The following SEC31A variants were observed in gnomAD, a reference collection of about 807,000 sequenced individuals.
SEC31A encodes protein transport protein Sec31A.
A neutral mutation model predicts 151.0 loss-of-function variants in SEC31A; 70 were observed. The observed-to-expected ratio is 0.46, with a 90% CI of 0.38 to 0.57. SEC31A has a LOEUF of 0.57. SEC31A is among the 20% of genes least tolerant of loss of function. The probability of loss-of-function intolerance (pLI) is 0.00; values close to 1 mark genes in which losing one functional copy is unlikely to be tolerated. For missense variants in SEC31A, 1,330 were observed against 1,471.2 expected (o/e 0.90, Z 1.57); for synonymous variants, 475 against 505.9 (o/e 0.94, Z 0.82).
intron 22 of SEC31A, among the ~76,000 whole-genome samples, chr4:82,834,698 T>A (rs1339003791): frequency 2.0e-5 from 3 of 152,202 alleles, no homozygotes; most frequent in Non-Finnish European, 4.4e-5. Context: ...TCAAGCCATG[T>A]GTTTTAGCAG....
At chr4:82,860,795 A>G (rs556482098) in intron 14 of SEC31A, among the ~76,000 whole-genome samples, 3 of 152,264 alleles carry the variant, frequency 2.0e-5, no homozygotes, top group East Asian at 3.9e-4. Flanking sequence ...AAGTTTTAGT[A>G]AAGATTTTAT....
intron 2 of SEC31A, chr4:82,899,959 CATT>C (rs1371843891): frequency 2.0e-5 from 3 of 152,220 alleles, no homozygotes; most frequent in Admixed American, 2.0e-4. Flanking sequence ...ATAACTAAGA[CATT>C]GTTCTAAGCT....
intron 24 of SEC31A, 75 bp downstream of exon 24, chr4:82,827,294 A>G (rs1425279315): frequency 1.4e-6 from 2 of 1,464,004 alleles, no homozygotes; most frequent in East Asian, 4.6e-5. Context: ...ATGCAATCAT[A>G]AAAGTTAGCA....
chr4:82,834,138 T>G (rs1286525629), intron 22 of SEC31A, among the ~76,000 whole-genome samples: 2 of 152,218 alleles, frequency 1.3e-5, no homozygotes, highest in Non-Finnish European at 2.9e-5. Context: ...CACTATAGTT[T>G]ATAAATGCCC....
At chr4:82,881,709 G>T in intron 2 of SEC31A, 149 bp downstream of exon 2, 1 of 629,890 alleles carries the variant, frequency 1.6e-6, no homozygotes, top group Non-Finnish European at 2.9e-6. Flanking sequence ...GGAACACAGA[G>T]GAAGAACACT....
chr4:82,880,647 TA>T, intron 3 of SEC31A, 151 bp downstream of exon 3: 1 of 631,040 alleles, frequency 1.6e-6, no homozygotes, highest in South Asian at 2.8e-5. Flanking sequence ...TTTACTTCCA[TA>T]AAAATTCACT....
chr4:82,887,068 C>A (rs1267800425), intron 1 of SEC31A, among the ~76,000 whole-genome samples: 1 of 152,010 alleles, frequency 6.6e-6, no homozygotes, highest in African/African-American at 2.4e-5. Context: ...CTTTTAAATT[C>A]TTAACTCTTT....
Position 82,871,992 on chromosome 4 carries a change from T to C in SEC31A, c.734A>G (p.Asp245Gly). The part of the protein sequence containing the change: ...DDRLPVIQMW[D>G]LRFASSPLRV... ...AAGTGGAGAGGAAGCAAATCGAAGA[T>C]CCCACATCTGGATCACTGGTAACCG... The change falls in exon 7 of 27, where the codon GAT becomes GGT. Residue 245 changes from aspartate to glycine, a missense_variant. Coordinates refer to ENST00000395310, the MANE Select transcript of SEC31A (RefSeq NM_001077207.4). The C allele has an allele frequency of 6.2e-7, 1 of 1,614,094 alleles. No individual in the cohort carries two copies. Among genetic ancestry groups the C allele is most frequent in the Non-Finnish European group, 8.5e-7 (1 of 1,179,992 alleles).
At position 82,853,625 on chromosome 4, in the gene SEC31A, T is replaced by A; in HGVS notation, c.2099A>T (p.Lys700Ile). Reference protein sequence around the residue: ...LCYICAGNVEKLVACWTKAQD... With the variant: ...LCYICAGNVEILVACWTKAQD... ...AGCTTTAGTCCAACATGCAACTAAT[T>A]TCTCTACATTCCCTGCACAAATATA... The change falls in exon 18 of 27, where the codon AAA (lysine) becomes ATA (isoleucine). Residue 700 changes from lysine (K) to isoleucine (I), a missense_variant. By Grantham distance (102) the Lys-to-Ile change is moderately radical (BLOSUM62 -3). Transcript: ENST00000395310. The A allele has an allele frequency of 3.1e-6, 5 of 1,604,838 alleles. No homozygotes were observed. The highest frequency in any genetic ancestry group is 4.2e-6 in the Non-Finnish European group (5 of 1,177,746).
chr4:82,876,107 CTTT>C lies in SEC31A; in HGVS notation c.403-288_403-286del, dbSNP rs200156848. Among the ~76,000 whole-genome samples, 312 of 127,152 alleles carry C rather than the reference CTTT, an allele frequency of 2.5e-3. 2 individuals are homozygous for C. The highest frequency in any genetic ancestry group is 3.3e-3 in the Non-Finnish European group (197 of 59,116). The allele number at this position is 127,152 out of a possible 152,430, so 83.4% of individuals were successfully genotyped here. A position where few individuals can be genotyped will look rare whatever the true frequency, so the allele number is the denominator to read the frequency against. On this transcript the variant is annotated intron_variant, in intron 4 of 26. Transcript: ENST00000395310. ...ATTTTAAAAATTATATGGATAAATT[CTTT>C]TTTTTTTTTTTTTTTTTGAGATGGA...
intron 22 of SEC31A, among the ~76,000 whole-genome samples, chr4:82,838,569 A>C (rs753176154): frequency 6.6e-6 from 1 of 152,212 alleles, no homozygotes; most frequent in Non-Finnish European, 1.5e-5. Flanking sequence ...CTTTGACTGC[A>C]CCACTCAGCA....
chr4:82,825,716 C>G (rs941623341), intron 24 of SEC31A, among the ~76,000 whole-genome samples: 5 of 151,774 alleles, frequency 3.3e-5, no homozygotes, highest in African/African-American at 1.2e-4. Context: ...GGAAAAAAGG[C>G]CAAATTAGAG....
At chr4:82,884,738 T>C (rs766628702) in intron 1 of SEC31A, among the ~76,000 whole-genome samples, 12 of 152,210 alleles carry the variant, frequency 7.9e-5, no homozygotes, top group Non-Finnish European at 1.6e-4. Context: ...AGAGCCTATA[T>C]AGTGAATTTT....
chr4:82,864,504 T>C lies in SEC31A; in HGVS notation c.1292A>G (p.Gln431Arg). 6.2e-7 allele frequency: 1 copy of C among 1,614,152 alleles called. No individual in the cohort carries two copies. The highest frequency in any genetic ancestry group is 2.2e-5 in the East Asian group (1 of 44,872). ...GAGGAACTCCTTTTCTGTTACAACC[T>C]GACTAATGAACACATGGTGCTGCTG... ...QQQQHHVFIS[Q>R]VVTEKEFLSR... The change falls in exon 11 of 27, where the codon CAG (glutamine) becomes CGG (arginine). Residue 431 changes from glutamine to arginine, a missense_variant. Physicochemically the swap from Gln to Arg is conservative, Grantham distance 43. Coordinates refer to ENST00000395310, the MANE Select transcript of SEC31A (RefSeq NM_001077207.4).
intron 3 of SEC31A, among the ~76,000 whole-genome samples, chr4:82,879,273 T>C (rs958423299): frequency 6.6e-6 from 1 of 151,904 alleles, no homozygotes; most frequent in Non-Finnish European, 1.5e-5. Context: ...AAATTGCCTC[T>C]GGTTCATTGT....
intron 3 of SEC31A, among the ~76,000 whole-genome samples, chr4:82,880,217 A>G (rs558340634): frequency 1.3e-4 from 19 of 151,854 alleles, no homozygotes; most frequent in Non-Finnish European, 2.5e-4. Context: ...AACCACACAC[A>G]CACCAAAAAA....
intron 22 of SEC31A, chr4:82,829,485 A>T (rs1308059488): frequency 6.5e-6 from 1 of 154,276 alleles, no homozygotes; most frequent in African/African-American, 2.4e-5. Context: ...GAATAAAATT[A>T]GCAATCTCCT....
At chr4:82,892,783 A>G (rs183463009), upstream of SEC31A, among the ~76,000 whole-genome samples, 1 of 152,330 alleles carries the variant, frequency 6.6e-6, no homozygotes, top group Non-Finnish European at 1.5e-5. Flanking sequence ...TAGCAGCAAA[A>G]TTTATGCAAG....
intron 16 of SEC31A, among the ~76,000 whole-genome samples, chr4:82,855,549 T>C (rs570642041): frequency 9.2e-5 from 14 of 152,302 alleles, no homozygotes; most frequent in Non-Finnish European, 1.6e-4. Context: ...ACAACTTTTA[T>C]GAAAACTAAT....
Sources: gnomAD v4.1 joint callset for allele counts (sites outside exome capture counted in the v4.1 genomes callset) on GRCh38, gnomAD v4.1.1 for gene constraint, MANE v1.5 for transcripts, NCBI Gene and HGNC (gene_info 2026-07-23, HGNC 2026-07-21) for gene names.